Variants in ATRNL1 observed in about 807,000 individuals in gnomAD.
ATRNL1 encodes the protein attractin-like protein 1.
A neutral mutation model predicts 182.7 loss-of-function variants in ATRNL1; 95 were observed. That is an observed-to-expected ratio of 0.52 (90% CI 0.44 to 0.62). The LOEUF (loss-of-function observed/expected upper bound fraction) is 0.62, where lower values mean the gene tolerates loss of function less well. Ranked by LOEUF, ATRNL1 falls within the 20% of genes least tolerant of loss-of-function variation. The pLI, the probability that ATRNL1 is intolerant of heterozygous loss-of-function variation, is 0.00. For synonymous variants in ATRNL1, 576 were observed against 568.3 expected (o/e 1.01, Z -0.19); for missense variants, 1,471 against 1,679.5 (o/e 0.88, Z 2.17).
intron 28 of ATRNL1, among the ~76,000 whole-genome samples, chr10:115,918,581 T>G (rs1338546737): frequency 6.6e-6 from 1 of 152,090 alleles, no homozygotes; most frequent in Non-Finnish European, 1.5e-5. Context: ...CCAATAAGTG[T>G]TTATATAGTA....
intron 19 of ATRNL1, among the ~76,000 whole-genome samples, chr10:115,374,916 T>C (rs1857590010): frequency 6.6e-6 from 1 of 151,940 alleles, no homozygotes; most frequent in Non-Finnish European, 1.5e-5. Context: ...AGAAAGTTCC[T>C]TGTGTGTTTG....
At chr10:115,625,523 A>G (rs1226823651) in intron 26 of ATRNL1, among the ~76,000 whole-genome samples, 1 of 152,166 alleles carries the variant, frequency 6.6e-6, no homozygotes, top group African/African-American at 2.4e-5. Context: ...AAAATATTCA[A>G]ACAAAAAAGT....
At chr10:115,375,441 T>C (rs750149747) in intron 19 of ATRNL1, among the ~76,000 whole-genome samples, 5 of 152,110 alleles carry the variant, frequency 3.3e-5, no homozygotes, top group African/African-American at 4.8e-5. Flanking sequence ...GTCTTTTTAT[T>C]TGAAAATTTA....
chr10:115,224,696 T>C (rs1849623423), intron 9 of ATRNL1, among the ~76,000 whole-genome samples: 2 of 149,032 alleles, frequency 1.3e-5, no homozygotes, highest in Non-Finnish European at 1.5e-5. Flanking sequence ...GAACATATGA[T>C]AAGCGACTCT....
intron 27 of ATRNL1, among the ~76,000 whole-genome samples, chr10:115,765,425 C>A (rs1392226766): frequency 3.3e-5 from 5 of 152,148 alleles, no homozygotes; most frequent in African/African-American, 1.2e-4. Flanking sequence ...TACAGAACAT[C>A]ATCTCATATG....
At chr10:115,380,636 A>T (rs1554950815) in intron 19 of ATRNL1, among the ~76,000 whole-genome samples, 1 of 152,054 alleles carries the variant, frequency 6.6e-6, no homozygotes, top group East Asian at 1.9e-4. Context: ...CAAATATGTG[A>T]TCTTTCATGA....
At chr10:115,569,738 A>C (rs569273406) in intron 26 of ATRNL1, among the ~76,000 whole-genome samples, 1 of 151,554 alleles carries the variant, frequency 6.6e-6, no homozygotes, top group East Asian at 2.0e-4. Context: ...ATGAGTTGAA[A>C]ATATTTTTTC....
chr10:115,329,623 G>T (rs1467005840), intron 18 of ATRNL1, among the ~76,000 whole-genome samples: 1 of 152,026 alleles, frequency 6.6e-6, no homozygotes, highest in Non-Finnish European at 1.5e-5. Context: ...CCCTTTATCA[G>T]TAAGTATTGA....
chr10:115,613,808 G>A (rs1555019841), intron 26 of ATRNL1, among the ~76,000 whole-genome samples: 1 of 151,754 alleles, frequency 6.6e-6, no homozygotes, highest in African/African-American at 2.4e-5. Context: ...TTGGCATGTA[G>A]TTGTTCATAT....
intron 27 of ATRNL1, among the ~76,000 whole-genome samples, chr10:115,824,995 G>A (rs1292542551): frequency 2.6e-5 from 4 of 152,234 alleles, no homozygotes; most frequent in African/African-American, 9.6e-5. Context: ...CAACACAAAT[G>A]CCCATCAATG....
At chr10:115,105,077 A>G (rs1843945195) in intron 1 of ATRNL1, among the ~76,000 whole-genome samples, 1 of 151,480 alleles carries the variant, frequency 6.6e-6, no homozygotes, top group African/African-American at 2.4e-5. Context: ...TTTTTTTTCT[A>G]TTTTTGTGAA....
chr10:115,802,846 T>C (rs368782038), intron 27 of ATRNL1, among the ~76,000 whole-genome samples: 52 of 152,272 alleles, frequency 3.4e-4, no homozygotes, highest in African/African-American at 1.2e-3. Flanking sequence ...CAGAATATTA[T>C]CCAGGGGCTC....
chr10:115,912,040 T>C (rs1055455776), intron 28 of ATRNL1, among the ~76,000 whole-genome samples: 1 of 152,190 alleles, frequency 6.6e-6, no homozygotes, highest in African/African-American at 2.4e-5. Flanking sequence ...GGCTTGTGAC[T>C]TAAACAGTTT....
At chr10:115,681,935 T>C (rs979584260) in intron 26 of ATRNL1, among the ~76,000 whole-genome samples, 2 of 152,156 alleles carry the variant, frequency 1.3e-5, no homozygotes, top group African/African-American at 4.8e-5. Context: ...TACCATAAAT[T>C]GATCCTGAGA....
rs555243484 is a variant in ATRNL1 at position 115,569,854 on chromosome 10, A to C, written c.3795+20318A>C. 2.6e-4 allele frequency among the ~76,000 whole-genome samples: 40 copies of C among 152,238 alleles called. No individual in the cohort carries two copies. In the Middle Eastern group the frequency reaches 0.014, roughly 52 times the overall value. ...TACCATAAACTGGGTGGCTTATAAG[A>C]AACAGAAGTATATCTCATACAGCTC... On this transcript the variant is annotated intron_variant, in intron 26 of 28. Transcript: ENST00000355044.
At chr10:115,642,425 A>T (rs1859311656) in intron 26 of ATRNL1, among the ~76,000 whole-genome samples, 1 of 147,904 alleles carries the variant, frequency 6.8e-6, no homozygotes, top group African/African-American at 2.5e-5. Context: ...CATACTCCTA[A>T]TAAAAATTCT....
intron 20 of ATRNL1, among the ~76,000 whole-genome samples, chr10:115,419,410 T>C (rs961717191): frequency 6.6e-5 from 10 of 152,234 alleles, no homozygotes; most frequent in African/African-American, 2.4e-4. Context: ...TACACAATCG[T>C]GATAGTCATC....
rs368898784 is a variant in ATRNL1, at chr10:115,275,124, C to T, written c.2101-6231C>T. Among the ~76,000 whole-genome samples, 105 of 152,292 alleles carry T rather than the reference C, an allele frequency of 6.9e-4. 2 individuals carry two copies. The South Asian group carries it at 0.021, about 31-fold the overall frequency. ...CTAGTGGCTTCTTCTTGGCTTTTCG[C>T]TCCGTAATTGTCCTCACTCCACAGG... On this transcript the variant is annotated intron_variant, in intron 13 of 28. Transcript: ENST00000355044.
In ATRNL1 at chr10:115,243,650, C is replaced by T. The variant is rs138910343; in HGVS notation, c.1687+1925C>T. On this transcript the variant is annotated intron_variant, in intron 10 of 28. Transcript: ENST00000355044. ...CAGTGTATGTTCTTAATTATGGCAA[C>T]AAATTACCTTATTCTTAGTAATGCT... is the stretch of plus-strand genomic sequence containing the variant. Among the ~76,000 whole-genome samples the T allele has an allele frequency of 3.9e-5, 6 of 152,064 alleles. No homozygotes were observed. In the East Asian group the frequency reaches 7.7e-4, roughly 20 times the overall value.
Sources: gnomAD v4.1 joint callset for allele counts (sites outside exome capture counted in the v4.1 genomes callset) on GRCh38, gnomAD v4.1.1 for gene constraint, MANE v1.5 for transcripts, NCBI Gene and HGNC (gene_info 2026-07-23, HGNC 2026-07-21) for gene names.